Variants in MMEL1 observed in about 807,000 individuals in gnomAD.
MMEL1 encodes membrane metalloendopeptidase like 1.
Under a neutral mutation model 117.1 loss-of-function variants are expected in MMEL1, and 98 were observed. That is an observed-to-expected ratio of 0.84 (90% CI 0.71 to 0.99). The LOEUF (loss-of-function observed/expected upper bound fraction) is 0.99, where lower values mean the gene tolerates loss of function less well. Ranked by LOEUF, MMEL1 falls within the 50% of genes least tolerant of loss-of-function variation. The pLI, the probability that MMEL1 is intolerant of heterozygous loss-of-function variation, is 0.00. For synonymous variants in MMEL1, 390 were observed against 415.1 expected (o/e 0.94, Z 0.74); for missense variants, 1,014 against 1,049.1 (o/e 0.97, Z 0.46).
In MMEL1 at chr1:2,604,163, T is replaced by C; in HGVS notation, c.935A>G (p.Glu312Gly). The C allele has an allele frequency of 6.3e-7, 1 of 1,592,014 alleles. No homozygotes were observed. The highest frequency in any genetic ancestry group is 1.1e-5 in the South Asian group (1 of 90,262). The change falls in exon 10 of 24, where the codon GAG (glutamate) becomes GGG (glycine). Residue 312 changes from glutamate (E) to glycine (G), a missense_variant. Coordinates refer to ENST00000378412, the MANE Select transcript of MMEL1 (RefSeq NM_033467.4). ...CCCCCTTACCTTGGCCAGCTGTGTC[T>C]CCAGCTCCAGCACCTGCACCATGTC... The part of the protein sequence containing the change: ...QEDMVQVLEL[E>G]TQLAKATVPQ...
At chr1:2,607,330 A>C (rs1391192077) in intron 6 of MMEL1, among the ~76,000 whole-genome samples, 1 of 152,120 alleles carries the variant, frequency 6.6e-6, no homozygotes, top group African/African-American at 2.4e-5. Flanking sequence ...TGAGAAAAGC[A>C]CATGAGCCCC....
At chr1:2,620,644 G>A (rs979410239) in intron 2 of MMEL1, among the ~76,000 whole-genome samples, 2 of 152,014 alleles carry the variant, frequency 1.3e-5, no homozygotes, top group Non-Finnish European at 2.9e-5. Context: ...TGGTAAGTCT[G>A]GTGCCCTCAT....
intron 23 of MMEL1, 199 bp from the exon 24 acceptor site, chr1:2,591,288 CAG>C (rs2100920774): frequency 1.7e-6 from 1 of 596,296 alleles, no homozygotes; most frequent in African/African-American, 1.9e-5. Flanking sequence ...CCCCTCCAGC[CAG>C]AGATATTCCA....
At chr1:2,623,405 G>T (rs926532695) in intron 2 of MMEL1, among the ~76,000 whole-genome samples, 1 of 152,110 alleles carries the variant, frequency 6.6e-6, no homozygotes, top group Non-Finnish European at 1.5e-5. Context: ...AAAAGCCAAA[G>T]AAACTACAAA....
At chr1:2,601,933 C>T (rs894766726) in intron 11 of MMEL1, among the ~76,000 whole-genome samples, 2 of 152,176 alleles carry the variant, frequency 1.3e-5, no homozygotes, top group South Asian at 2.1e-4. Context: ...TGTTGGGGAG[C>T]GCACATCCCT....
At chr1:2,592,156 C>G in intron 21 of MMEL1, 129 bp from the exon 22 acceptor site, 1 of 708,396 alleles carries the variant, frequency 1.4e-6, no homozygotes, top group South Asian at 1.8e-5. Context: ...TGCAAGGGCC[C>G]TTCACACACC....
intron 7 of MMEL1, among the ~76,000 whole-genome samples, chr1:2,606,727 C>T (rs1489284677): frequency 1.3e-5 from 2 of 152,088 alleles, no homozygotes; most frequent in Non-Finnish European, 2.9e-5. Flanking sequence ...TCCTAGGGGC[C>T]GAGGAGGGGC....
intron 14 of MMEL1, among the ~76,000 whole-genome samples, 163 bp downstream of exon 14, chr1:2,596,398 G>C (rs1185371406): frequency 6.6e-6 from 1 of 152,166 alleles, no homozygotes; most frequent in Non-Finnish European, 1.5e-5. Context: ...GGCCGGCTGG[G>C]GTCAGGGGCA....
intron 2 of MMEL1, among the ~76,000 whole-genome samples, chr1:2,623,607 C>T (rs1016627817): frequency 3.9e-5 from 6 of 152,204 alleles, no homozygotes; most frequent in Non-Finnish European, 8.8e-5. Flanking sequence ...TTCTTACAGG[C>T]CCAGTGTGGG....
chr1:2,601,674 G>A (rs1193479907), intron 11 of MMEL1, among the ~76,000 whole-genome samples: 1 of 152,210 alleles, frequency 6.6e-6, no homozygotes, highest in Non-Finnish European at 1.5e-5. Flanking sequence ...GCTGACCAAG[G>A]AGTCACATCT....
intron 6 of MMEL1, among the ~76,000 whole-genome samples, chr1:2,609,069 AC>A (rs1645083003): frequency 8.3e-6 from 1 of 121,126 alleles, no homozygotes; most frequent in African/African-American, 3.7e-5. Flanking sequence ...ACACACACAC[AC>A]ACACACACAC....
In MMEL1 at chr1:2,603,846, C is replaced by T. The variant is rs781213506; in HGVS notation, c.1041+38G>A. On this transcript the variant is annotated intron_variant, in intron 11 of 23. Coordinates refer to ENST00000378412, the MANE Select transcript of MMEL1 (RefSeq NM_033467.4). ...CTTCCATGTCCCCCACGAGTCTCCA[C>T]CCGGCCAGTGCCGGCCTCCTGTGTG... 8 of 1,596,794 alleles carry T rather than the reference C, an allele frequency of 5.0e-6. No homozygotes were observed. In the African/African-American group the frequency reaches 9.4e-5, roughly 19 times the overall value.
intron 2 of MMEL1, among the ~76,000 whole-genome samples, chr1:2,628,398 A>G (rs929887026): frequency 6.6e-5 from 10 of 152,220 alleles, no homozygotes; most frequent in African/African-American, 1.9e-4. Flanking sequence ...GGCTCCAGAC[A>G]TGAGGGGGCA....
At chr1:2,604,122 TCCCC>T in intron 10 of MMEL1, 21 bp downstream of exon 10, 31 of 1,357,390 alleles carry the variant, frequency 2.3e-5, no homozygotes, top group Non-Finnish European at 2.8e-5. Context: ...CGCTGCCCGC[TCCCC>T]ACCCGCCCCG....
chr1:2,595,380 G>T lies in MMEL1; in HGVS notation c.1501-21C>A. On this transcript the variant is annotated intron_variant, in intron 15 of 23. Coordinates refer to ENST00000378412, the MANE Select transcript of MMEL1 (RefSeq NM_033467.4). The surrounding 1 kb of genome is among the most constrained non-coding windows in gnomAD (Gnocchi z 4.8). ...ATGGCCTGAGTGGGGAGGAGGGACT[G>T]GTCAGTGGGTGCCCCACTGCGGATG... The T allele has an allele frequency of 6.2e-7, 1 of 1,609,910 alleles. No homozygotes were observed. Among genetic ancestry groups the T allele is most frequent in the Non-Finnish European group, 8.5e-7 (1 of 1,176,746 alleles).
At chr1:2,594,288 G>T in intron 18 of MMEL1, 97 bp downstream of exon 18, 4 of 1,281,694 alleles carry the variant, frequency 3.1e-6, no homozygotes, top group Non-Finnish European at 4.4e-6. Context: ...ACAGGCTGGG[G>T]TGCCCCCAGG....
intron 2 of MMEL1, among the ~76,000 whole-genome samples, chr1:2,625,314 T>A (rs185890395): frequency 3.3e-5 from 5 of 152,290 alleles, no homozygotes; most frequent in African/African-American, 1.2e-4. Flanking sequence ...GGCAGCACAC[T>A]CCTCATCTGG....
chr1:2,620,567 T>C (rs1039195875), intron 2 of MMEL1, among the ~76,000 whole-genome samples: 3 of 151,900 alleles, frequency 2.0e-5, no homozygotes, highest in East Asian at 1.9e-4. Context: ...ATGTGACTAT[T>C]TGGGGATAGG....
chr1:2,600,614 A>C (rs1367808485), intron 11 of MMEL1, among the ~76,000 whole-genome samples: 1 of 152,152 alleles, frequency 6.6e-6, no homozygotes, highest in Non-Finnish European at 1.5e-5. Context: ...TGAGCCCAAG[A>C]GGTCAAGGCT....
Sources: allele counts gnomAD v4.1 joint callset (sites outside exome capture counted in the v4.1 genomes callset), GRCh38; gene constraint gnomAD v4.1.1; non-coding constraint Gnocchi (gnomAD v3.1); transcripts MANE v1.5; gene names NCBI Gene and HGNC (gene_info 2026-07-23, HGNC 2026-07-21).